AP3D1: variants seen among roughly 807,000 people sequenced by gnomAD.
The protein encoded by AP3D1 is adaptor related protein complex 3 subunit delta 1, also known as AP-3 complex subunit delta-1.
A neutral mutation model predicts 147.6 loss-of-function variants in AP3D1; 51 were observed. The ratio of observed to expected loss-of-function variants is 0.35; its 90% CI spans 0.28 to 0.44. AP3D1 has a LOEUF of 0.44. Ranked by LOEUF, AP3D1 falls within the 20% of genes least tolerant of loss-of-function variation. The pLI is 1.00. For synonymous variants in AP3D1, 760 were observed against 663.0 expected (o/e 1.15, Z -2.25); for missense variants, 1,421 against 1,624.2 (o/e 0.87, Z 2.15).
rs771574068 is a variant in AP3D1, at chr19:2,108,795, C to T, written c.3473-29G>A. On this transcript the variant is annotated intron_variant, in intron 30 of 31. Coordinates refer to ENST00000643116, the MANE Select transcript of AP3D1 (RefSeq NM_001261826.3). ...CAACAGAGCGGGCAGTGTTAGGCTTCCCGGACATTGCATGGCTGCAGCCCC... is the reference window on the plus strand; with the variant it reads ...CAACAGAGCGGGCAGTGTTAGGCTTTCCGGACATTGCATGGCTGCAGCCCC... The T allele has an allele frequency of 3.2e-6, 5 of 1,551,758 alleles. No individual in the cohort carries two copies. In the South Asian group the frequency reaches 5.9e-5, roughly 18 times the overall value.
Position 2,137,805 on chromosome 19 carries a change from T to C in AP3D1, c.195A>G (p.Leu65=). Residue 65 remains leucine, a splice_region_variant and synonymous_variant, in exon 3 of 32, where the codon TTA becomes TTG. Coordinates refer to ENST00000643116, the MANE Select transcript of AP3D1 (RefSeq NM_001261826.3). ...AGCTGATGTCGTATCCCAACATCTGTAACTGTTAAGGGACGCACAGGAAAT... is the reference window on the plus strand; with the variant it reads ...AGCTGATGTCGTATCCCAACATCTGCAACTGTTAAGGGACGCACAGGAAAT... The part of the protein sequence containing the change: ...KANAVCKLTY[L]QMLGYDISWA... 4.3e-6 allele frequency: 7 copies of C among 1,613,784 alleles called. No homozygotes were observed. Among genetic ancestry groups the C allele is most frequent in the Non-Finnish European group, 5.9e-6 (7 of 1,179,852 alleles).
chr19:2,153,611 G>A (rs1308425677), upstream of AP3D1, among the ~76,000 whole-genome samples: 1 of 151,558 alleles, frequency 6.6e-6, no homozygotes, highest in Non-Finnish European at 1.5e-5. Context: ...GGGGGCGGAG[G>A]TTGCAGTGAG....
intron 28 of AP3D1, 39 bp from the exon 29 acceptor site, chr19:2,109,997 C>T (rs771406981): frequency 1.8e-4 from 286 of 1,608,026 alleles, no homozygotes; most frequent in Admixed American, 5.8e-4. Context: ...AGAGGGGAGT[C>T]GGGCCCAGCT....
intron 1 of AP3D1, among the ~76,000 whole-genome samples, chr19:2,163,667 G>A (rs2019788189): frequency 1.3e-5 from 2 of 152,182 alleles, no homozygotes; most frequent in South Asian, 4.1e-4. Flanking sequence ...ATTCGAACCC[G>A]CTATCCGACG....
chr19:2,105,030 C>G (rs907549071), intron 31 of AP3D1, among the ~76,000 whole-genome samples: 4 of 152,154 alleles, frequency 2.6e-5, no homozygotes, highest in Non-Finnish European at 5.9e-5. Context: ...ACCAGGGCAT[C>G]AGCAAAGACA....
At position 2,129,393 on chromosome 19, in the gene AP3D1, C is replaced by G; in HGVS notation, c.657G>C (p.Leu219=). 1 of 1,614,144 alleles carries G rather than the reference C, an allele frequency of 6.2e-7. No individual in the cohort carries two copies. The highest frequency in any genetic ancestry group is 1.3e-5 in the African/African-American group (1 of 75,040). The change falls in exon 7 of 32, where the codon CTG becomes CTC. Residue 219 remains leucine, a synonymous_variant. Transcript: ENST00000643116. ...GCTTGAAAAAGAGCGGGGCCAGGGA[C>G]AGGTAGTTCTTAGGGTTGCGTCTGG... ...ELARRNPKNY[L]SLAPLFFKLM... is the part of the protein sequence containing the mutation.
intron 11 of AP3D1, 107 bp downstream of exon 11, chr19:2,123,251 G>A: frequency 8.7e-7 from 1 of 1,150,374 alleles, no homozygotes; most frequent in Non-Finnish European, 1.3e-6. Flanking sequence ...CAGGGAGACA[G>A]CTGGGGTTGC....
At chr19:2,127,487 C>T (rs929724568) in intron 8 of AP3D1, among the ~76,000 whole-genome samples, 3 of 150,126 alleles carry the variant, frequency 2.0e-5, no homozygotes, top group African/African-American at 5.0e-5. Context: ...ATGGCAATAC[C>T]GCCTTCCTAC....
chr19:2,130,476 A>G lies in AP3D1; in HGVS notation c.524T>C (p.Leu175Pro). ...AGGGCGCAGCGACTCGGGGTACTTCAGGAACACCTTGTACATGATCAGCAC... is the reference window on the plus strand; with the variant it reads ...AGGGCGCAGCGACTCGGGGTACTTCGGGAACACCTTGTACATGATCAGCAC... ...KAVLIMYKVF[L>P]KYPESLRPAF... Residue 175 changes from leucine to proline, a missense_variant, in exon 6 of 32, where the codon CTG becomes CCG. Transcript: ENST00000643116. The G allele has an allele frequency of 1.2e-6, 2 of 1,614,080 alleles. No individual in the cohort carries two copies. The highest frequency in any genetic ancestry group is 1.7e-6 in the Non-Finnish European group (2 of 1,180,020).
At chr19:2,120,583 A>G (rs1305603542) in intron 14 of AP3D1, among the ~76,000 whole-genome samples, 2 of 151,884 alleles carry the variant, frequency 1.3e-5, no homozygotes, top group African/African-American at 4.8e-5. Flanking sequence ...GGATCCTCCC[A>G]CCTCCCAGTC....
At chr19:2,132,979 C>A (rs890009871) in intron 4 of AP3D1, among the ~76,000 whole-genome samples, 1 of 152,172 alleles carries the variant, frequency 6.6e-6, no homozygotes, top group African/African-American at 2.4e-5. Flanking sequence ...AGTTTCCTGG[C>A]ACCTCCTGGG....
intron 1 of AP3D1, among the ~76,000 whole-genome samples, chr19:2,149,746 G>A (rs950588702): frequency 2.0e-5 from 3 of 152,156 alleles, no homozygotes; most frequent in Admixed American, 6.6e-5. Flanking sequence ...CTGGCCCATC[G>A]TCAGGGTCCC....
At chr19:2,104,182 G>A (rs11667880) in intron 31 of AP3D1, among the ~76,000 whole-genome samples, 3 of 140,014 alleles carry the variant, frequency 2.1e-5, no homozygotes, top group Non-Finnish European at 3.1e-5. Flanking sequence ...AGACACCAAC[G>A]CTGAGACCGC....
chr19:2,142,737 C>T (rs1451359353), intron 1 of AP3D1, among the ~76,000 whole-genome samples: 4 of 150,604 alleles, frequency 2.7e-5, no homozygotes. Flanking sequence ...CCAATGGGGG[C>T]TCTGAGGGGT....
At chr19:2,106,839 C>T (rs976585043) in intron 31 of AP3D1, among the ~76,000 whole-genome samples, 1 of 152,142 alleles carries the variant, frequency 6.6e-6, no homozygotes, top group Non-Finnish European at 1.5e-5. Flanking sequence ...CCTAGGAGGT[C>T]CCTAGAGCCA....
At chr19:2,137,655 A>C in intron 3 of AP3D1, 72 bp downstream of exon 3, 1 of 1,234,186 alleles carries the variant, frequency 8.1e-7, no homozygotes, top group Non-Finnish European at 1.2e-6. Context: ...AATAATAAAA[A>C]TTGGCCAGTC....
Position 2,109,952 on chromosome 19 carries a change from C to G in AP3D1, c.3271G>C (p.Glu1091Gln). The change falls in exon 29 of 32, where the codon GAG becomes CAG. Residue 1091 changes from glutamate (E) to glutamine (Q), a missense_variant. By Grantham distance (29) the Glu-to-Gln change is conservative. Coordinates refer to ENST00000643116, the MANE Select transcript of AP3D1 (RefSeq NM_001261826.3). Reference sequence around the variant, plus strand: ...TCCAGCTTCTCGTGGGTCGCACCCTCGTCATTCTGCGGTGGAGTGAAGGTG... The same window carrying G: ...TCCAGCTTCTCGTGGGTCGCACCCTGGTCATTCTGCGGTGGAGTGAAGGTG... ...GTLSFIAKND[E>Q]GATHEKLDFR... 1.2e-6 allele frequency: 2 copies of G among 1,613,650 alleles called. No homozygotes were observed. The highest frequency in any genetic ancestry group is 1.3e-5 in the African/African-American group (1 of 75,026).
chr19:2,127,273 A>G lies in AP3D1; in HGVS notation c.807-72T>C, dbSNP rs4807203. 392,850 of 1,544,380 alleles carry G rather than the reference A, an allele frequency of 0.25. 54,373 individuals carry two copies. Among genetic ancestry groups the G allele is most frequent in the African/African-American group, 0.51 (37,851 of 73,654 alleles). Reference sequence around the variant, plus strand: ...TCAGATGCAGTGACCCAGTGCCGGCAGCTCAGCTGGAGACGGCCTCCGCCC... The same window carrying G: ...TCAGATGCAGTGACCCAGTGCCGGCGGCTCAGCTGGAGACGGCCTCCGCCC... On this transcript the variant is annotated intron_variant, in intron 8 of 31. Coordinates refer to ENST00000643116, the MANE Select transcript of AP3D1 (RefSeq NM_001261826.3).
rs780138947 is a variant in AP3D1 at position 2,110,230 on chromosome 19, G to C, written c.3176-6C>G. On this transcript the variant is annotated splice_polypyrimidine_tract_variant and splice_region_variant and intron_variant, in intron 27 of 31. Coordinates refer to ENST00000643116, the MANE Select transcript of AP3D1 (RefSeq NM_001261826.3). Reference sequence around the variant, plus strand: ...CTGGGCTTCGTTGGAGACGCCTGGCGGGGGCGAGAGGGAGTGGGGCCTGAG... The same window carrying C: ...CTGGGCTTCGTTGGAGACGCCTGGCCGGGGCGAGAGGGAGTGGGGCCTGAG... 6.2e-7 allele frequency: 1 copy of C among 1,610,710 alleles called. No homozygotes were observed. The highest frequency in any genetic ancestry group is 2.2e-5 in the East Asian group (1 of 44,874).
Sources: gnomAD v4.1 joint callset for allele counts (sites outside exome capture counted in the v4.1 genomes callset) on GRCh38, gnomAD v4.1.1 for gene constraint, MANE v1.5 for transcripts, NCBI Gene and HGNC (gene_info 2026-07-23, HGNC 2026-07-21) for gene names.